Variants in SBF2 observed in about 807,000 individuals in gnomAD.
The protein encoded by SBF2 is myotubularin-related protein 13.
Under a neutral mutation model 225.2 loss-of-function variants are expected in SBF2, and 112 were observed. The ratio of observed to expected loss-of-function variants is 0.50; its 90% CI spans 0.43 to 0.58. The LOEUF is 0.58. Among genes scored for constraint, SBF2 ranks in the 20% least tolerant of loss-of-function variants. The pLI, the probability that SBF2 is intolerant of heterozygous loss-of-function variation, is 0.00. For synonymous variants in SBF2, 763 were observed against 773.3 expected (o/e 0.99, Z 0.22); for missense variants, 1,996 against 2,206.2 (o/e 0.90, Z 1.91).
intron 2 of SBF2, among the ~76,000 whole-genome samples, chr11:10,062,718 G>C (rs948454894): frequency 2.0e-5 from 3 of 152,184 alleles, no homozygotes; most frequent in African/African-American, 7.2e-5. Context: ...GGAGAAAAGA[G>C]AACCCTTATA....
At chr11:9,977,490 A>C (rs1946750452) in intron 13 of SBF2, among the ~76,000 whole-genome samples, 1 of 138,002 alleles carries the variant, frequency 7.2e-6, no homozygotes, top group African/African-American at 2.6e-5. Context: ...CTGTCTCTTT[A>C]AGAAAAAAAA....
At chr11:10,224,574 T>C (rs1313381446) in intron 1 of SBF2, among the ~76,000 whole-genome samples, 2 of 152,150 alleles carry the variant, frequency 1.3e-5, no homozygotes, top group Non-Finnish European at 2.9e-5. Flanking sequence ...CACAGAAGCA[T>C]CCTTTCAATT....
At chr11:10,234,358 T>C (rs1480368679) in intron 1 of SBF2, among the ~76,000 whole-genome samples, 1 of 152,200 alleles carries the variant, frequency 6.6e-6, no homozygotes, top group Non-Finnish European at 1.5e-5. Context: ...AGTTAGACCA[T>C]TTATTTTATT....
At chr11:9,922,711 C>A (rs1288953945) in intron 16 of SBF2, among the ~76,000 whole-genome samples, 2 of 152,160 alleles carry the variant, frequency 1.3e-5, no homozygotes, top group Non-Finnish European at 2.9e-5. Context: ...ACTGAGCACC[C>A]CCATTTTTCT....
At chr11:10,217,447 A>T (rs2135397540) in intron 1 of SBF2, among the ~76,000 whole-genome samples, 1 of 152,374 alleles carries the variant, frequency 6.6e-6, no homozygotes, top group Non-Finnish European at 1.5e-5. Context: ...GTAGCTTAAT[A>T]AAACAGTTAC....
chr11:10,227,421 C>T (rs1958620626), intron 1 of SBF2, among the ~76,000 whole-genome samples: 1 of 152,028 alleles, frequency 6.6e-6, no homozygotes, highest in African/African-American at 2.4e-5. Flanking sequence ...AATGGTATTG[C>T]CTAGGTTTTC....
At chr11:10,125,601 C>T (rs1275891772) in intron 2 of SBF2, among the ~76,000 whole-genome samples, 1 of 152,076 alleles carries the variant, frequency 6.6e-6, no homozygotes, top group Non-Finnish European at 1.5e-5. Context: ...TCCTTATATA[C>T]CCTTCACTCA....
At chr11:9,849,919 C>A in intron 22 of SBF2, 104 bp downstream of exon 22, 1 of 1,134,294 alleles carries the variant, frequency 8.8e-7, no homozygotes, top group East Asian at 2.4e-5. Flanking sequence ...TGGCAAAAAG[C>A]TGACTTTGGA....
At chr11:10,130,654 A>G (rs1953998406) in intron 2 of SBF2, among the ~76,000 whole-genome samples, 1 of 152,150 alleles carries the variant, frequency 6.6e-6, no homozygotes, top group African/African-American at 2.4e-5. Flanking sequence ...TTCTCACTAT[A>G]AAGAGCTTCC....
chr11:9,866,652 C>T (rs531223062), intron 17 of SBF2, among the ~76,000 whole-genome samples: 1 of 152,264 alleles, frequency 6.6e-6, no homozygotes, highest in East Asian at 1.9e-4. Context: ...GGAAATGCTG[C>T]AGGACATTGG....
intron 1 of SBF2, among the ~76,000 whole-genome samples, chr11:10,228,287 T>C (rs1214162844): frequency 1.3e-5 from 2 of 152,224 alleles, no homozygotes; most frequent in Non-Finnish European, 2.9e-5. Context: ...TTTGACTTCC[T>C]CTTTTCCTAA....
chr11:9,982,634 G>C (rs1049267742), intron 13 of SBF2, among the ~76,000 whole-genome samples: 7 of 152,210 alleles, frequency 4.6e-5, no homozygotes, highest in Non-Finnish European at 7.3e-5. Context: ...GTGGAGGCTT[G>C]CATTGTGAGT....
chr11:9,900,363 C>T (rs1014835133), intron 16 of SBF2, among the ~76,000 whole-genome samples: 1 of 152,120 alleles, frequency 6.6e-6, no homozygotes, highest in African/African-American at 2.4e-5. Context: ...ATTCCAGTTA[C>T]CAGCTCCGCC....
At position 10,286,166 on chromosome 11, in the gene SBF2, GCACACACACACA is replaced by G. The variant is rs57445416; in HGVS notation, c.55+7837_55+7848del. Among the ~76,000 whole-genome samples the G allele has an allele frequency of 8.1e-5, 12 of 147,356 alleles. No homozygotes were observed. In the South Asian group the frequency reaches 1.3e-3, roughly 16 times the overall value. Reference sequence around the variant, plus strand: ...AATTTCTTCACATAAACACGCACACGCACACACACACACACACACACACACACACGGTAACTA... The same window carrying G: ...AATTTCTTCACATAAACACGCACACGCACACACACACACACACGGTAACTA... On this transcript the variant is annotated intron_variant, in intron 1 of 39. Coordinates refer to ENST00000256190, the MANE Select transcript of SBF2 (RefSeq NM_030962.4).
chr11:9,840,053 T>C (rs1455548325), intron 25 of SBF2, among the ~76,000 whole-genome samples: 1 of 151,382 alleles, frequency 6.6e-6, no homozygotes, highest in Non-Finnish European at 1.5e-5. Flanking sequence ...ACCAACATGG[T>C]GAAATCTCAT....
Position 9,990,771 on chromosome 11 carries a change from C to T in SBF2, c.1297-1176G>A, listed in dbSNP as rs141672051. ...CAATAAATAAATAAAAAATAAGTTA[C>T]CATATAAAGTTAGAGACAAAATGAA... is the stretch of plus-strand genomic sequence containing the variant. On this transcript the variant is annotated intron_variant, in intron 12 of 39. Coordinates refer to ENST00000256190, the MANE Select transcript of SBF2 (RefSeq NM_030962.4). Among the ~76,000 whole-genome samples the T allele has an allele frequency of 6.6e-4, 100 of 152,208 alleles. 1 individual carries two copies. The East Asian group carries it at 0.016, about 25-fold the overall frequency.
At chr11:10,283,557 A>G (rs757894833) in intron 1 of SBF2, among the ~76,000 whole-genome samples, 2 of 152,188 alleles carry the variant, frequency 1.3e-5, no homozygotes, top group Non-Finnish European at 2.9e-5. Flanking sequence ...CAAATAATTA[A>G]CATAATTGAC....
rs577973924 is a variant in SBF2, at chr11:10,018,584, T to C, written c.619+9868A>G. 5.3e-5 allele frequency among the ~76,000 whole-genome samples: 8 copies of C among 152,282 alleles called. No homozygotes were observed. In the South Asian group the frequency reaches 1.0e-3, roughly 20 times the overall value. ...CTTTATAGATAATTCAATGCAAAGA[T>C]AGAGCTATTTAATATTAGCATCTAC... On this transcript the variant is annotated intron_variant, in intron 6 of 39. Transcript: ENST00000256190.
chr11:9,951,482 A>G lies in SBF2; in HGVS notation c.1860+10475T>C, dbSNP rs117033047. 6.8e-3 allele frequency among the ~76,000 whole-genome samples: 1,041 copies of G among 152,300 alleles called. 5 individuals carry two copies. Among genetic ancestry groups the G allele is most frequent in the Non-Finnish European group, 0.011 (749 of 68,026 alleles). ...TTGGAAGGCAGAAGCAAGAGATGGTAATGCAGATGAGTAAGACTGCCTAGG... is the reference window on the plus strand; with the variant it reads ...TTGGAAGGCAGAAGCAAGAGATGGTGATGCAGATGAGTAAGACTGCCTAGG... On this transcript the variant is annotated intron_variant, in intron 16 of 39. Transcript: ENST00000256190.
Sources: allele counts gnomAD v4.1 joint callset (sites outside exome capture counted in the v4.1 genomes callset), GRCh38; gene constraint gnomAD v4.1.1; transcripts MANE v1.5; gene names NCBI Gene and HGNC (gene_info 2026-07-23, HGNC 2026-07-21).